The following CCDC102B variants were observed in gnomAD, a reference collection of about 807,000 sequenced individuals.
The protein encoded by CCDC102B is coiled-coil domain-containing protein 102B.
In CCDC102B, 75 loss-of-function variants were observed where a neutral mutation model predicts 57.4. That is an observed-to-expected ratio of 1.31 (90% CI 1.08 to 1.58). The LOEUF is 1.58. Ranked by LOEUF, CCDC102B falls within the 40% of genes most tolerant of loss-of-function variation. CCDC102B has a pLI of 0.00. For missense variants in CCDC102B, 636 were observed against 582.6 expected (o/e 1.09, Z -0.94); for synonymous variants, 206 against 201.9 (o/e 1.02, Z -0.17).
upstream of CCDC102B, among the ~76,000 whole-genome samples, chr18:68,795,955 A>G (rs1027839468): frequency 2.0e-5 from 3 of 152,220 alleles, no homozygotes; most frequent in African/African-American, 7.2e-5. Context: ...AGGGGATAAA[A>G]GTATGACATG....
In CCDC102B at chr18:69,046,034, A is replaced by G. The variant is rs117854719; in HGVS notation, c.1435-7996A>G. 4.2e-3 allele frequency among the ~76,000 whole-genome samples: 639 copies of G among 152,150 alleles called. 5 individuals are homozygous for G. Among genetic ancestry groups the G allele is most frequent in the South Asian group, 0.024 (117 of 4,824 alleles). ...GGCATATAAGTTGATTGTCTTTGCT[A>G]TTTTGAATTGTGCTGCAATGAACAT... On this transcript the variant is annotated intron_variant, in intron 7 of 7. Transcript: ENST00000360242.
At chr18:68,777,600 G>A (rs574285688) in intron 2 of CCDC102B, among the ~76,000 whole-genome samples, 1 of 152,046 alleles carries the variant, frequency 6.6e-6, no homozygotes, top group African/African-American at 2.4e-5. Flanking sequence ...TGGGTTAAAG[G>A]GGGTATTTAG....
At chr18:69,041,220 C>A (rs752938611) in intron 7 of CCDC102B, among the ~76,000 whole-genome samples, 24 of 152,084 alleles carry the variant, frequency 1.6e-4, no homozygotes, top group Non-Finnish European at 3.4e-4. Flanking sequence ...ACTTTTAGTA[C>A]ACAGCAGATA....
intron 6 of CCDC102B, among the ~76,000 whole-genome samples, chr18:68,926,159 G>T (rs2041468147): frequency 6.6e-6 from 1 of 151,888 alleles, no homozygotes; most frequent in African/African-American, 2.4e-5. Context: ...AATATTTGAT[G>T]TAATAGTGTA....
intron 1 of CCDC102B, among the ~76,000 whole-genome samples, chr18:68,800,342 G>A (rs2035800916): frequency 6.6e-6 from 1 of 152,082 alleles, no homozygotes; most frequent in African/African-American, 2.4e-5. Flanking sequence ...CAGGGAGGAG[G>A]TCGTGAGACA....
intron 6 of CCDC102B, among the ~76,000 whole-genome samples, chr18:68,901,146 C>A (rs1294792211): frequency 2.0e-5 from 3 of 152,098 alleles, no homozygotes; most frequent in African/African-American, 7.2e-5. Flanking sequence ...CAAAGTCTTT[C>A]CCAATTTTCC....
At chr18:68,781,724 A>C (rs539798321) in intron 2 of CCDC102B, among the ~76,000 whole-genome samples, 19 of 152,298 alleles carry the variant, frequency 1.2e-4, no homozygotes, top group African/African-American at 4.1e-4. Context: ...AATTGTCTAG[A>C]GCTTATCTGG....
chr18:68,858,496 C>T (rs2038584655), intron 4 of CCDC102B, among the ~76,000 whole-genome samples: 1 of 152,168 alleles, frequency 6.6e-6, no homozygotes, highest in Non-Finnish European at 1.5e-5. Flanking sequence ...TTCCCCTCCT[C>T]TTTGCCAGGA....
At chr18:69,022,213 ATATATATAT>A (rs1568131104) in intron 7 of CCDC102B, among the ~76,000 whole-genome samples, 2 of 49,100 alleles carry the variant, frequency 4.1e-5, no homozygotes, top group East Asian at 9.3e-4. Flanking sequence ...ATATATATAT[ATATATATAT>A]AACACACACA....
At chr18:68,764,666 A>G (rs917924329) in intron 2 of CCDC102B, among the ~76,000 whole-genome samples, 1 of 152,210 alleles carries the variant, frequency 6.6e-6, no homozygotes, top group African/African-American at 2.4e-5. Flanking sequence ...CAAATATTCA[A>G]GAAGAAAATG....
upstream of CCDC102B, among the ~76,000 whole-genome samples, chr18:68,796,889 T>G (rs1464345108): frequency 6.6e-6 from 1 of 151,398 alleles, no homozygotes; most frequent in East Asian, 1.9e-4. Context: ...TTTGATGAAT[T>G]AAAATCAGGT....
chr18:68,879,364 G>A (rs1048050443), intron 5 of CCDC102B, among the ~76,000 whole-genome samples: 8 of 152,152 alleles, frequency 5.3e-5, no homozygotes, highest in African/African-American at 1.9e-4. Context: ...CCACAGTGTG[G>A]AAGGGGACTC....
At chr18:68,873,549 T>A (rs749250861) in intron 4 of CCDC102B, among the ~76,000 whole-genome samples, 2 of 152,092 alleles carry the variant, frequency 1.3e-5, no homozygotes, top group Non-Finnish European at 2.9e-5. Flanking sequence ...AAAAGTTACT[T>A]AAGTCTCTTA....
intron 1 of CCDC102B, among the ~76,000 whole-genome samples, chr18:68,811,332 C>T (rs892471872): frequency 3.3e-5 from 5 of 152,104 alleles, no homozygotes; most frequent in South Asian, 2.1e-4. Flanking sequence ...TTGACAAACA[C>T]ATAAGAGGCT....
Position 68,940,880 on chromosome 18 carries a change from C to T in CCDC102B, c.1263+43452C>T, listed in dbSNP as rs576138648. 5.9e-5 allele frequency among the ~76,000 whole-genome samples: 9 copies of T among 151,814 alleles called. No homozygotes were observed. The East Asian group carries it at 1.7e-3, about 29-fold the overall frequency. ...GTCAGAAAATAGAAAGCTCAAGTAA[C>T]TAAATTCAAAAAAAGTAAACTAACC... On this transcript the variant is annotated intron_variant, in intron 6 of 7. Coordinates refer to ENST00000360242, the MANE Select transcript of CCDC102B (RefSeq NM_024781.3).
chr18:68,981,154 T>C (rs2050569882), intron 6 of CCDC102B, among the ~76,000 whole-genome samples: 2 of 152,008 alleles, frequency 1.3e-5, no homozygotes. Context: ...AAATATTTTG[T>C]GAATTAAAAC....
intron 6 of CCDC102B, among the ~76,000 whole-genome samples, chr18:68,911,972 T>C (rs1336555262): frequency 1.3e-5 from 2 of 152,036 alleles, no homozygotes; most frequent in African/African-American, 4.8e-5. Context: ...CCAATCCCAT[T>C]TTGGTTTTGT....
chr18:68,899,578 T>C (rs950908175), intron 6 of CCDC102B, among the ~76,000 whole-genome samples: 3 of 152,068 alleles, frequency 2.0e-5, no homozygotes, highest in Non-Finnish European at 4.4e-5. Context: ...AAAAGAAATA[T>C]AAGATTTCTT....
At chr18:68,917,037 A>G (rs1308299764) in intron 6 of CCDC102B, among the ~76,000 whole-genome samples, 1 of 152,190 alleles carries the variant, frequency 6.6e-6, no homozygotes, top group Non-Finnish European at 1.5e-5. Flanking sequence ...GGATTTTGAA[A>G]TAACGATTTT....
Sources: allele counts gnomAD v4.1 joint callset (sites outside exome capture counted in the v4.1 genomes callset), GRCh38; gene constraint gnomAD v4.1.1; transcripts MANE v1.5; gene names NCBI Gene and HGNC (gene_info 2026-07-23, HGNC 2026-07-21).